TNFRSF19: variants seen among roughly 807,000 people sequenced by gnomAD.
TNFRSF19 encodes tumor necrosis factor receptor superfamily member 19.
TNFRSF19 carries 27 observed loss-of-function variants against 46.4 expected under a neutral mutation model. The ratio of observed to expected loss-of-function variants is 0.58; its 90% CI spans 0.43 to 0.80. The LOEUF (loss-of-function observed/expected upper bound fraction) is 0.80. TNFRSF19 is among the 30% of genes least tolerant of loss of function. TNFRSF19 has a pLI of 0.00. For synonymous variants in TNFRSF19, 204 were observed against 205.0 expected (o/e 1.00, Z 0.04); for missense variants, 511 against 530.8 (o/e 0.96, Z 0.37).
chr13:23,663,128 A>C (rs1884477322), intron 7 of TNFRSF19, among the ~76,000 whole-genome samples: 1 of 152,206 alleles, frequency 6.6e-6, no homozygotes, highest in African/African-American at 2.4e-5. Context: ...GCTTTTCCCC[A>C]GTCAGTATGA....
chr13:23,595,305 C>T (rs1054442392), intron 3 of TNFRSF19, among the ~76,000 whole-genome samples: 49 of 152,092 alleles, frequency 3.2e-4, no homozygotes, highest in Non-Finnish European at 4.4e-5. Flanking sequence ...TAATAACAAA[C>T]GTCACCAAGC....
intron 4 of TNFRSF19, among the ~76,000 whole-genome samples, chr13:23,621,273 T>C (rs989869755): frequency 4.6e-5 from 7 of 152,220 alleles, no homozygotes; most frequent in African/African-American, 1.7e-4. Context: ...TGACACTGTT[T>C]AGGAGACCTA....
intron 2 of TNFRSF19, among the ~76,000 whole-genome samples, chr13:23,593,102 A>G (rs901561569): frequency 5.9e-5 from 9 of 152,106 alleles, no homozygotes; most frequent in African/African-American, 1.9e-4. Flanking sequence ...AAAATGGGAT[A>G]CCCTGTTTAG....
chr13:23,579,205 C>T lies in TNFRSF19; in HGVS notation c.-35+8357C>T, dbSNP rs1053275975. Among the ~76,000 whole-genome samples, 5 of 152,324 alleles carry T rather than the reference C, an allele frequency of 3.3e-5. No individual in the cohort carries two copies. In the South Asian group the frequency reaches 1.0e-3, roughly 32 times the overall value. ...CCGCGGAGTGGGGGCCTCCAAAGAA[C>T]CCAGCTGCAGAGCAAGTCCGGCTGA... On this transcript the variant is annotated intron_variant, in intron 1 of 9. Coordinates refer to ENST00000248484, the MANE Select transcript of TNFRSF19 (RefSeq NM_148957.4).
intron 4 of TNFRSF19, among the ~76,000 whole-genome samples, chr13:23,622,158 C>CT (rs1273617805): frequency 1.3e-5 from 2 of 152,236 alleles, no homozygotes; most frequent in African/African-American, 4.8e-5. Context: ...AATCCCAGCA[C>CT]TTTGGGAGGC....
intron 1 of TNFRSF19, chr13:23,585,535 T>G (rs1878762073): frequency 1.3e-5 from 2 of 152,228 alleles, no homozygotes; most frequent in African/African-American, 4.8e-5. Context: ...TGACTTGCAT[T>G]TCAACCTCAG....
chr13:23,612,829 C>A (rs61946369), intron 3 of TNFRSF19, among the ~76,000 whole-genome samples: 1,922 of 152,210 alleles, frequency 0.013, 23 homozygotes, highest in Admixed American at 0.018. Flanking sequence ...TGTTCATTTT[C>A]AAAAGAGTTG....
intron 7 of TNFRSF19, among the ~76,000 whole-genome samples, chr13:23,661,895 T>C (rs1160743062): frequency 6.6e-6 from 1 of 152,198 alleles, no homozygotes; most frequent in African/African-American, 2.4e-5. Context: ...GGGTTGTTTT[T>C]CTCTTGTAAA....
chr13:23,581,132 C>CTTTTTTTCTTTTCTT (rs1878390763), intron 1 of TNFRSF19, among the ~76,000 whole-genome samples: 1 of 143,666 alleles, frequency 7.0e-6, no homozygotes, highest in South Asian at 2.2e-4. Context: ...TTTTTCTTTT[C>CTTTTTTTCTTTTCTT]TTTTTTTTTT....
intron 3 of TNFRSF19, among the ~76,000 whole-genome samples, chr13:23,599,894 G>A (rs549448744): frequency 1.3e-5 from 2 of 151,242 alleles, no homozygotes; most frequent in Non-Finnish European, 2.9e-5. Context: ...TTGGCCAAGA[G>A]GGGGGGTCCA....
chr13:23,642,631 A>T (rs1197665533), intron 5 of TNFRSF19, among the ~76,000 whole-genome samples: 2 of 152,200 alleles, frequency 1.3e-5, no homozygotes, highest in Non-Finnish European at 2.9e-5. Flanking sequence ...AAGCCAAGAA[A>T]GAGGGAAGGA....
intron 1 of TNFRSF19, among the ~76,000 whole-genome samples, chr13:23,588,847 CA>C (rs1411214110): frequency 1.3e-5 from 2 of 152,178 alleles, no homozygotes; most frequent in Non-Finnish European, 2.9e-5. Context: ...TGTTTGAATT[CA>C]CTTCAAATGG....
At chr13:23,609,105 C>CTGCA (rs1305183048) in intron 3 of TNFRSF19, among the ~76,000 whole-genome samples, 1 of 152,146 alleles carries the variant, frequency 6.6e-6, no homozygotes, top group Non-Finnish European at 1.5e-5. Flanking sequence ...GTTATCTTTC[C>CTGCA]TGCATTTTTA....
chr13:23,599,050 G>A (rs966554609), intron 3 of TNFRSF19, among the ~76,000 whole-genome samples: 1 of 152,178 alleles, frequency 6.6e-6, no homozygotes, highest in Non-Finnish European at 1.5e-5. Flanking sequence ...TCTGGCTTTT[G>A]TGTTAAATGA....
chr13:23,595,908 T>A (rs964653097), intron 3 of TNFRSF19, among the ~76,000 whole-genome samples: 5 of 152,148 alleles, frequency 3.3e-5, no homozygotes, highest in Non-Finnish European at 5.9e-5. Context: ...TAACAGTGGA[T>A]CTCTCTGCAG....
At position 23,628,272 on chromosome 13, in the gene TNFRSF19, T is replaced by C. The variant is rs552125110; in HGVS notation, c.445+1480T>C. Reference sequence around the variant, plus strand: ...TATCTCATCTTTCCTACACATTGACTCTTTCTTGTGTTGTTTGCTTTAATA... The same window carrying C: ...TATCTCATCTTTCCTACACATTGACCCTTTCTTGTGTTGTTTGCTTTAATA... On this transcript the variant is annotated intron_variant, in intron 5 of 9. Coordinates refer to ENST00000248484, the MANE Select transcript of TNFRSF19 (RefSeq NM_148957.4). 2.0e-5 allele frequency among the ~76,000 whole-genome samples: 3 copies of C among 152,358 alleles called. No homozygotes were observed. In the East Asian group the frequency reaches 5.8e-4, roughly 29 times the overall value.
intron 7 of TNFRSF19, among the ~76,000 whole-genome samples, chr13:23,661,675 C>A (rs980030805): frequency 3.9e-5 from 6 of 152,176 alleles, no homozygotes; most frequent in Non-Finnish European, 7.3e-5. Flanking sequence ...TGTAAGCATT[C>A]CCTTTACTCT....
At chr13:23,671,016 C>T (rs530045125) in intron 9 of TNFRSF19, among the ~76,000 whole-genome samples, 5 of 152,320 alleles carry the variant, frequency 3.3e-5, no homozygotes, top group East Asian at 3.9e-4. Flanking sequence ...CGTCTTCATA[C>T]GAGGTCATCC....
chr13:23,578,389 A>C (rs1419899890), intron 1 of TNFRSF19, among the ~76,000 whole-genome samples: 1 of 152,198 alleles, frequency 6.6e-6, no homozygotes, highest in Admixed American at 6.5e-5. Context: ...TAATATTTTT[A>C]ACATTGTTCA....
Sources: allele counts gnomAD v4.1 joint callset (sites outside exome capture counted in the v4.1 genomes callset), GRCh38; gene constraint gnomAD v4.1.1; transcripts MANE v1.5; gene names NCBI Gene and HGNC (gene_info 2026-07-23, HGNC 2026-07-21).